RIN3: variants seen among roughly 807,000 people sequenced by gnomAD.
RIN3 encodes RAB5 interacting protein 3.
Under a neutral mutation model 76.3 loss-of-function variants are expected in RIN3, and 54 were observed. That is an observed-to-expected ratio of 0.71 (90% CI 0.57 to 0.89). RIN3 has a LOEUF of 0.89. Among genes scored for constraint, RIN3 ranks in the 40% least tolerant of loss-of-function variants. The pLI, the probability that RIN3 is intolerant of heterozygous loss-of-function variation, is 0.00. For synonymous variants in RIN3, 576 were observed against 564.0 expected (o/e 1.02, Z -0.30); for missense variants, 1,256 against 1,322.1 (o/e 0.95, Z 0.78).
rs139173293 is a variant in RIN3, at chr14:92,645,565, G to C, written c.532+4236G>C. On this transcript the variant is annotated intron_variant, in intron 5 of 9. Transcript: ENST00000216487. ...AATGTCTAGAATAGGCAAATCCATA[G>C]AGACAGAAAGCAGATTGGCGATTGC... 3.4e-4 allele frequency among the ~76,000 whole-genome samples: 52 copies of C among 152,354 alleles called. No homozygotes were observed. The East Asian group carries it at 9.4e-3, about 28-fold the overall frequency.
chr14:92,608,810 C>T (rs1482424579), intron 3 of RIN3, among the ~76,000 whole-genome samples: 3 of 152,198 alleles, frequency 2.0e-5, no homozygotes, highest in Non-Finnish European at 4.4e-5. Flanking sequence ...GCTGGGATTA[C>T]AGGTGTGAGC....
chr14:92,652,004 GC>G lies in RIN3; in HGVS notation c.961del (p.His321ThrfsTer18), dbSNP rs1269529174. ...CPLPTSPPVP[A>X]PHVTPHAPGP... ...TTTGCCCACCTCTCCCCCAGTGCCT[GC>G]CCCCCACGTCACACCCCATGCCCCA... On this transcript the variant is annotated frameshift_variant, in exon 6 of 10. Coordinates refer to ENST00000216487, the MANE Select transcript of RIN3 (RefSeq NM_024832.5). LOFTEE classifies it high-confidence loss of function. The surrounding 1 kb of genome is among the most constrained non-coding windows in gnomAD (Gnocchi z 6.4). The G allele has an allele frequency of 2.0e-6, 3 of 1,472,240 alleles. No homozygotes were observed. Among genetic ancestry groups the G allele is most frequent in the East Asian group, 4.7e-5 (2 of 42,910 alleles). The allele number at this position is 1,472,240 out of a possible 1,614,324, so 91.2% of individuals were successfully genotyped here. A position where few individuals can be genotyped will look rare whatever the true frequency, so the allele number is the denominator to read the frequency against.
chr14:92,651,487 T>TC, intron 5 of RIN3, 95 bp from the exon 6 acceptor site: 1 of 534,670 alleles, frequency 1.9e-6, no homozygotes, highest in Non-Finnish European at 3.3e-6. Context: ...TGAACAGCCC[T>TC]CCCACCCGTG....
chr14:92,572,679 C>T (rs1338847240), intron 2 of RIN3, among the ~76,000 whole-genome samples: 1 of 152,024 alleles, frequency 6.6e-6, no homozygotes, highest in Non-Finnish European at 1.5e-5. Context: ...GTAACTGCTT[C>T]CTGCAGTTAT....
At chr14:92,642,484 G>A (rs977310729) in intron 5 of RIN3, among the ~76,000 whole-genome samples, 2 of 152,156 alleles carry the variant, frequency 1.3e-5, no homozygotes, top group East Asian at 1.9e-4. Flanking sequence ...ACCTGGGGCC[G>A]CCAGGTCACA....
At chr14:92,662,359 G>C (rs1320198302) in intron 7 of RIN3, among the ~76,000 whole-genome samples, 1 of 152,250 alleles carries the variant, frequency 6.6e-6, no homozygotes, top group Non-Finnish European at 1.5e-5. Context: ...GCCTCGGGGA[G>C]AGCAGGCAGG....
At chr14:92,569,769 A>G (rs1291342414) in intron 2 of RIN3, among the ~76,000 whole-genome samples, 2 of 152,166 alleles carry the variant, frequency 1.3e-5, no homozygotes, top group Non-Finnish European at 2.9e-5. Flanking sequence ...CACCCTAGGC[A>G]GAGATCAGTG....
Position 92,565,378 on chromosome 14 carries a change from A to G in RIN3, c.249+9423A>G, listed in dbSNP as rs75894917. Among the ~76,000 whole-genome samples, 62 of 152,296 alleles carry G rather than the reference A, an allele frequency of 4.1e-4. 1 individual carries two copies. In the East Asian group the frequency reaches 0.011, roughly 26 times the overall value. The stretch of plus-strand genomic sequence containing the variant: ...CCAGACCCTAGGGAAGGGTTCTTGG[A>G]CCTCAGGCAAGAAAGAAACAGGGGC... On this transcript the variant is annotated intron_variant, in intron 2 of 9. Transcript: ENST00000216487.
intron 1 of RIN3, among the ~76,000 whole-genome samples, chr14:92,546,986 T>A (rs963160156): frequency 9.9e-6 from 1 of 101,386 alleles, no homozygotes; most frequent in Non-Finnish European, 2.2e-5. Flanking sequence ...AAAATTATTT[T>A]TATTTTATTA....
In RIN3 at chr14:92,513,810, G is replaced by T. The variant is rs552344016; in HGVS notation, c.-123G>T. The T allele has an allele frequency of 3.7e-6, 2 of 535,506 alleles. No homozygotes were observed. The highest frequency in any genetic ancestry group is 9.0e-5 in the South Asian group (1 of 11,148). 33.2% of individuals were successfully genotyped at this position (535,506 alleles called of 1,614,324 possible). The stretch of plus-strand genomic sequence containing the variant: ...GGGAGCGAGAGCCCCAGAGCGCGGC[G>T]GCAGCGGCGGCCTGGCCCTTCCAGA... On this transcript the variant is annotated 5_prime_UTR_variant, in exon 1 of 10. Transcript: ENST00000216487.
chr14:92,603,989 C>T (rs972182042), intron 3 of RIN3, among the ~76,000 whole-genome samples: 1 of 152,258 alleles, frequency 6.6e-6, no homozygotes, highest in Non-Finnish European at 1.5e-5. Flanking sequence ...ATTCCTTTCT[C>T]CACCTCAGCC....
rs2140147777 is a variant in RIN3 at position 92,656,775 on chromosome 14, T to C, written c.2027-2386T>C. 6.6e-6 allele frequency among the ~76,000 whole-genome samples: 1 copy of C among 152,264 alleles called. No individual in the cohort carries two copies. Among genetic ancestry groups the C allele is most frequent in the Admixed American group, 6.5e-5 (1 of 15,292 alleles). On this transcript the variant is annotated intron_variant, in intron 6 of 9. Coordinates refer to ENST00000216487, the MANE Select transcript of RIN3 (RefSeq NM_024832.5). The surrounding 1 kb of genome is among the most constrained non-coding windows in gnomAD (Gnocchi z 5.2). ...ATGGAGAGAAGGGCCCTTCAGCCTT[T>C]GGGAACAGGGTCAGCATCCACAGCA...
At chr14:92,628,108 T>G (rs1029874038) in intron 4 of RIN3, among the ~76,000 whole-genome samples, 2 of 152,270 alleles carry the variant, frequency 1.3e-5, no homozygotes, top group East Asian at 3.9e-4. Context: ...ACAGGTACAG[T>G]ATATCTTGGG....
At chr14:92,534,464 C>T (rs563914013) in intron 1 of RIN3, among the ~76,000 whole-genome samples, 98 of 151,812 alleles carry the variant, frequency 6.5e-4, no homozygotes, top group African/African-American at 2.1e-3. Context: ...CCTGTAATCC[C>T]GGCTACTCAG....
chr14:92,563,197 T>TA (rs1179934794), intron 2 of RIN3, among the ~76,000 whole-genome samples: 4 of 152,030 alleles, frequency 2.6e-5, no homozygotes, highest in Non-Finnish European at 5.9e-5. Flanking sequence ...TCATATCTGC[T>TA]AAAAATAGAA....
chr14:92,553,957 C>T (rs888616105), intron 1 of RIN3, among the ~76,000 whole-genome samples: 3 of 152,152 alleles, frequency 2.0e-5, no homozygotes, highest in African/African-American at 7.2e-5. Context: ...ACCCTGGCCT[C>T]GTCCCCTGCC....
At position 92,555,939 on chromosome 14, in the gene RIN3, A is replaced by G; in HGVS notation, c.233A>G (p.His78Arg). 2 of 1,612,482 alleles carry G rather than the reference A, an allele frequency of 1.2e-6. No individual in the cohort carries two copies. The highest frequency in any genetic ancestry group is 2.2e-5 in the South Asian group (2 of 91,026). Residue 78 changes from histidine to arginine, a missense_variant, in exon 2 of 10, where the codon CAC becomes CGC. By Grantham distance (29) the His-to-Arg change is conservative. Around this residue, in one of 3 missense-constraint regions of RIN3, gnomAD observed 610 missense variants for 626.4 expected, o/e 0.97. Coordinates refer to ENST00000216487, the MANE Select transcript of RIN3 (RefSeq NM_024832.5). ...CAGGCAGAGGTGGCCAGGATCCTGC[A>G]CCGGGTGGTGGCTGGGGTGAGTGGG... ...LGQAEVARILHRVVAGMFLVR... is the reference protein window; with the variant it reads ...LGQAEVARILRRVVAGMFLVR...
intron 1 of RIN3, among the ~76,000 whole-genome samples, chr14:92,536,870 C>T (rs1160117663): frequency 6.6e-6 from 1 of 152,024 alleles, no homozygotes; most frequent in Non-Finnish European, 1.5e-5. Flanking sequence ...ACCGAGTAAC[C>T]TTATAGCATT....
chr14:92,682,702 A>G (rs1041463040), intron 8 of RIN3, among the ~76,000 whole-genome samples: 37 of 152,270 alleles, frequency 2.4e-4, no homozygotes, highest in African/African-American at 8.7e-4. Flanking sequence ...CCTTCCACTT[A>G]TATCTAAGGG....
Sources: allele counts gnomAD v4.1 joint callset (sites outside exome capture counted in the v4.1 genomes callset), GRCh38; gene constraint gnomAD v4.1.1; regional missense constraint gnomAD v4.1.1; non-coding constraint Gnocchi (gnomAD v3.1); transcripts MANE v1.5; gene names NCBI Gene and HGNC (gene_info 2026-07-23, HGNC 2026-07-21).